Variants in HS3ST3A1 observed in about 807,000 individuals in gnomAD.
HS3ST3A1 encodes heparan sulfate glucosamine 3-O-sulfotransferase 3A1.
HS3ST3A1 carries 19 observed loss-of-function variants against 25.7 expected under a neutral mutation model. The observed-to-expected ratio is 0.74, with a 90% CI of 0.52 to 1.08. The LOEUF (loss-of-function observed/expected upper bound fraction) is 1.08. HS3ST3A1 is among the 50% of genes least tolerant of loss of function. The pLI is 0.00. For missense variants in HS3ST3A1, 459 were observed against 594.3 expected (o/e 0.77, Z 2.37); for synonymous variants, 226 against 278.6 (o/e 0.81, Z 1.88).
At chr17:13,499,493 T>C (rs532587185) in intron 1 of HS3ST3A1, among the ~76,000 whole-genome samples, 2 of 152,290 alleles carry the variant, frequency 1.3e-5, no homozygotes, top group Admixed American at 1.3e-4. Context: ...TTTTTTTCTA[T>C]ATATCTTTGA....
chr17:13,567,298 T>G (rs529878658), intron 1 of HS3ST3A1, among the ~76,000 whole-genome samples: 16 of 152,304 alleles, frequency 1.1e-4, no homozygotes, highest in African/African-American at 3.8e-4. Context: ...AAAAAAGATA[T>G]CCATCTAAAT....
chr17:13,503,933 C>G (rs1905573172), intron 1 of HS3ST3A1, among the ~76,000 whole-genome samples: 1 of 152,178 alleles, frequency 6.6e-6, no homozygotes, highest in Non-Finnish European at 1.5e-5. Flanking sequence ...TAATAGTCCC[C>G]AATTCAAGCT....
chr17:13,532,804 T>C (rs1477621675), intron 1 of HS3ST3A1, among the ~76,000 whole-genome samples: 1 of 151,312 alleles, frequency 6.6e-6, no homozygotes, highest in African/African-American at 2.4e-5. Context: ...TTATCATCTT[T>C]GTTGAGTATT....
At chr17:13,569,599 C>A (rs1327022421) in intron 1 of HS3ST3A1, among the ~76,000 whole-genome samples, 3 of 152,278 alleles carry the variant, frequency 2.0e-5, no homozygotes, top group East Asian at 1.9e-4. Context: ...GTCCCCCAGC[C>A]ATGCCCTGCC....
rs543748713 is a variant in HS3ST3A1, at chr17:13,579,701, CAAAAAA to C, written c.599+20824_599+20829del. Among the ~76,000 whole-genome samples, 6 of 23,666 alleles carry C rather than the reference CAAAAAA, an allele frequency of 2.5e-4. No individual in the cohort carries two copies. The East Asian group carries it at 4.6e-3, about 18-fold the overall frequency. 15.5% of individuals were successfully genotyped at this position (23,666 alleles called of 152,430 possible). The stretch of plus-strand genomic sequence containing the variant: ...GGGTGACAGAGCCAGACTCCATCTC[CAAAAAA>C]AAAAAAAAAAAAAAAAAAAAATCAT... On this transcript the variant is annotated intron_variant, in intron 1 of 1. Transcript: ENST00000284110.
At chr17:13,593,766 G>A (rs1024965977) in intron 1 of HS3ST3A1, among the ~76,000 whole-genome samples, 2 of 152,072 alleles carry the variant, frequency 1.3e-5, no homozygotes, top group Non-Finnish European at 2.9e-5. Flanking sequence ...CAGAGAATTC[G>A]CATACTCCTT....
chr17:13,600,856 G>T lies in HS3ST3A1; in HGVS notation c.274C>A (p.Gln92Lys). ...PAAAQRKRLL[Q>K]LPQWRRRRPP... ...CGGCGCCTCCGCCACTGCGGCAGTT[G>T]CAGGAGGCGCTTTCTCTGTGCCGCC... The change falls in exon 1 of 2, where the codon CAA becomes AAA. Residue 92 changes from glutamine to lysine, a missense_variant. Physicochemically the swap from Gln to Lys is moderately conservative, Grantham distance 53 (BLOSUM62 1). Transcript: ENST00000284110. 8 of 1,441,868 alleles carry T rather than the reference G, an allele frequency of 5.5e-6. No individual in the cohort carries two copies. The highest frequency in any genetic ancestry group is 7.2e-6 in the Non-Finnish European group (8 of 1,107,928). The allele number at this position is 1,441,868 out of a possible 1,614,324, so 89.3% of individuals were successfully genotyped here. A position where few individuals can be genotyped will look rare whatever the true frequency, so the allele number is the denominator to read the frequency against.
At chr17:13,583,601 T>A (rs1908170983) in intron 1 of HS3ST3A1, among the ~76,000 whole-genome samples, 1 of 152,172 alleles carries the variant, frequency 6.6e-6, no homozygotes, top group Non-Finnish European at 1.5e-5. Context: ...AGGCCTACCC[T>A]TAGATTTTTT....
intron 1 of HS3ST3A1, among the ~76,000 whole-genome samples, chr17:13,511,557 T>G (rs1427905212): frequency 1.3e-5 from 2 of 151,978 alleles, no homozygotes; most frequent in African/African-American, 2.4e-5. Flanking sequence ...CTGAAGATAT[T>G]AACACATTAT....
At position 13,552,925 on chromosome 17, in the gene HS3ST3A1, C is replaced by G. The variant is rs976403462; in HGVS notation, c.599+47606G>C. 4.6e-5 allele frequency among the ~76,000 whole-genome samples: 7 copies of G among 152,156 alleles called. No homozygotes were observed. In the South Asian group the frequency reaches 1.2e-3, roughly 27 times the overall value. On this transcript the variant is annotated intron_variant, in intron 1 of 1. Coordinates refer to ENST00000284110, the MANE Select transcript of HS3ST3A1 (RefSeq NM_006042.3). Reference sequence around the variant, plus strand: ...CTTCCCTCTCTGGTAGACTTACAGTCCTCCCCTTTAAGCAAGAAGGAGAAT... The same window carrying G: ...CTTCCCTCTCTGGTAGACTTACAGTGCTCCCCTTTAAGCAAGAAGGAGAAT...
chr17:13,523,930 A>G (rs1382862018), intron 1 of HS3ST3A1, among the ~76,000 whole-genome samples: 1 of 152,028 alleles, frequency 6.6e-6, no homozygotes, highest in Non-Finnish European at 1.5e-5. Context: ...CATTCTTCCT[A>G]CCTTAATATT....
chr17:13,592,022 A>C (rs1908439834), intron 1 of HS3ST3A1, among the ~76,000 whole-genome samples: 1 of 152,106 alleles, frequency 6.6e-6, no homozygotes. Context: ...TCACTCTACC[A>C]CATGGGGCAG....
intron 1 of HS3ST3A1, among the ~76,000 whole-genome samples, chr17:13,552,267 G>A (rs961289176): frequency 2.5e-4 from 38 of 152,036 alleles, no homozygotes; most frequent in African/African-American, 8.9e-4. Flanking sequence ...ATTTTTAGTA[G>A]AGACAGGGTT....
At position 13,496,257 on chromosome 17, in the gene HS3ST3A1, G is replaced by A. The variant is rs898860195; in HGVS notation, c.1161C>T (p.Tyr387=). ...REVVRRLREF[Y]RPFNLKFYQM... is the part of the protein sequence containing the mutation. ...GGTAGAACTTGAGGTTGAAAGGCCGGTAGAACTCGCGCAGCCTGCGCACCA... is the reference window on the plus strand; with the variant it reads ...GGTAGAACTTGAGGTTGAAAGGCCGATAGAACTCGCGCAGCCTGCGCACCA... The change falls in exon 2 of 2, where the codon TAC becomes TAT. Residue 387 remains tyrosine, a synonymous_variant. Transcript: ENST00000284110. 11 of 1,584,006 alleles carry A rather than the reference G, an allele frequency of 6.9e-6. No homozygotes were observed. The highest frequency in any genetic ancestry group is 9.4e-6 in the Non-Finnish European group (11 of 1,167,480).
In HS3ST3A1 at chr17:13,586,919, T is replaced by C. The variant is rs551954356; in HGVS notation, c.599+13612A>G. Among the ~76,000 whole-genome samples the C allele has an allele frequency of 3.8e-3, 525 of 138,378 alleles. 6 individuals are homozygous for C. Among genetic ancestry groups the C allele is most frequent in the African/African-American group, 0.014 (511 of 36,000 alleles). 90.8% of individuals were successfully genotyped at this position (138,378 alleles called of 152,430 possible). A position where few individuals can be genotyped will look rare whatever the true frequency, so the allele number is the denominator to read the frequency against. On this transcript the variant is annotated intron_variant, in intron 1 of 1. Coordinates refer to ENST00000284110, the MANE Select transcript of HS3ST3A1 (RefSeq NM_006042.3). ...AAAAGGCATACTAGATTTTGAAGACTTAATATAAAAAACTACAAGATTTCT... is the reference window on the plus strand; with the variant it reads ...AAAAGGCATACTAGATTTTGAAGACCTAATATAAAAAACTACAAGATTTCT...
chr17:13,557,478 A>G (rs7224618), intron 1 of HS3ST3A1, among the ~76,000 whole-genome samples: 53,195 of 151,936 alleles, frequency 0.35, 11,862 homozygotes, highest in African/African-American at 0.64. Flanking sequence ...AAAAAAACCC[A>G]AGGTAAGAAT....
chr17:13,591,659 TTC>T lies in HS3ST3A1; in HGVS notation c.599+8870_599+8871del, dbSNP rs1410036455. 7.2e-5 allele frequency among the ~76,000 whole-genome samples: 8 copies of T among 110,902 alleles called. 1 individual carries two copies. Among genetic ancestry groups the T allele is most frequent in the Admixed American group, 6.5e-4 (6 of 9,192 alleles). The allele number at this position is 110,902 out of a possible 152,430, so 72.8% of individuals were successfully genotyped here. ...ATTGCCCAAATTTCCTTTTTTCTTC[TTC>T]TTTTTTTTTTTTTTTGGGACAGAGT... On this transcript the variant is annotated intron_variant, in intron 1 of 1. Transcript: ENST00000284110.
chr17:13,574,793 CATA>C (rs1666294907), intron 1 of HS3ST3A1, among the ~76,000 whole-genome samples: 1 of 151,670 alleles, frequency 6.6e-6, no homozygotes, highest in Non-Finnish European at 1.5e-5. Context: ...GGGCATGTCT[CATA>C]ATCACCCTGC....
At chr17:13,522,185 A>G (rs549367489) in intron 1 of HS3ST3A1, among the ~76,000 whole-genome samples, 8 of 152,092 alleles carry the variant, frequency 5.3e-5, no homozygotes, top group Non-Finnish European at 1.2e-4. Flanking sequence ...TTTCATATTC[A>G]TCTGTTTGTA....
Sources: allele counts gnomAD v4.1 joint callset (sites outside exome capture counted in the v4.1 genomes callset), GRCh38; gene constraint gnomAD v4.1.1; transcripts MANE v1.5; gene names NCBI Gene and HGNC (gene_info 2026-07-23, HGNC 2026-07-21).